Variants in GADL1 observed in about 807,000 individuals in gnomAD.
GADL1 encodes acidic amino acid decarboxylase GADL1.
A neutral mutation model predicts 69.5 loss-of-function variants in GADL1; 71 were observed. The ratio of observed to expected loss-of-function variants is 1.02; its 90% CI spans 0.84 to 1.25. The LOEUF is 1.25. GADL1 is among the 50% of genes most tolerant of loss of function. The pLI, the probability that GADL1 is intolerant of heterozygous loss-of-function variation, is 0.00. For missense variants in GADL1, 737 were observed against 631.8 expected (o/e 1.17, Z -1.79); for synonymous variants, 254 against 214.4 (o/e 1.18, Z -1.62).
At chr3:30,854,114 C>G (rs941693851) in intron 4 of GADL1, among the ~76,000 whole-genome samples, 1 of 152,138 alleles carries the variant, frequency 6.6e-6, no homozygotes, top group Non-Finnish European at 1.5e-5. Context: ...GCCACAGGGC[C>G]TTTATACATG....
chr3:30,800,937 C>G lies in GADL1; in HGVS notation c.1202G>C (p.Gly401Ala), dbSNP rs1323672442. 1 of 1,613,280 alleles carries G rather than the reference C, an allele frequency of 6.2e-7. No homozygotes were observed. Among genetic ancestry groups the G allele is most frequent in the Non-Finnish European group, 8.5e-7 (1 of 1,179,840 alleles). Residue 401 changes from glycine to alanine, a missense_variant, in exon 12 of 15, where the codon GGT (glycine) becomes GCT (alanine). By Grantham distance (60) the Gly-to-Ala change is moderately conservative. Transcript: ENST00000282538. The part of the protein sequence containing the change: ...FKFWMTWKAL[G>A]TLGLEERVNR... ...AACTCTTTCTTCAAGGCCTAATGTA[C>G]CCAGGGCCTTCCAGGTCATCCAGAA... is the stretch of plus-strand genomic sequence containing the variant.
At position 30,894,622 on chromosome 3, in the gene GADL1, C is replaced by T; in HGVS notation, c.-8G>A. The stretch of plus-strand genomic sequence containing the variant: ...GTCCGAGTCGCTGCTCATCTCCGCT[C>T]CCCCACTCCAGGCTGCCCCGGGCGC... On this transcript the variant is annotated 5_prime_UTR_variant, in exon 1 of 15. Transcript: ENST00000282538. 6.4e-7 allele frequency: 1 copy of T among 1,550,560 alleles called. No individual in the cohort carries two copies. Among genetic ancestry groups the T allele is most frequent in the African/African-American group, 1.4e-5 (1 of 73,136 alleles).
At chr3:30,818,781 G>A (rs1697519477) in intron 11 of GADL1, among the ~76,000 whole-genome samples, 1 of 152,022 alleles carries the variant, frequency 6.6e-6, no homozygotes, top group East Asian at 1.9e-4. Flanking sequence ...AAATTTCCTT[G>A]TCCAATTTGG....
chr3:30,771,014 TACAA>T, intron 14 of GADL1, among the ~76,000 whole-genome samples: 1 of 152,298 alleles, frequency 6.6e-6, no homozygotes, highest in African/African-American at 2.4e-5. Context: ...TGCTATTAAA[TACAA>T]AGGAAAACTC....
chr3:30,811,436 T>G (rs115802394), intron 11 of GADL1, among the ~76,000 whole-genome samples: 2,202 of 152,246 alleles, frequency 0.014, 65 homozygotes, highest in African/African-American at 0.05. Flanking sequence ...GTACAATCGG[T>G]CTTCTCTCTT....
intron 14 of GADL1, among the ~76,000 whole-genome samples, chr3:30,757,892 C>T (rs148357795): frequency 4.6e-5 from 7 of 152,294 alleles, no homozygotes; most frequent in Admixed American, 1.3e-4. Context: ...AATATCTGAG[C>T]TTAAGATGGG....
intron 14 of GADL1, among the ~76,000 whole-genome samples, chr3:30,753,554 T>G (rs1054323318): frequency 3.9e-5 from 6 of 152,190 alleles, no homozygotes; most frequent in African/African-American, 1.4e-4. Context: ...CTTGCTATTC[T>G]GTCATTGAGC....
intron 14 of GADL1, among the ~76,000 whole-genome samples, chr3:30,736,743 C>T (rs772012027): frequency 2.0e-5 from 3 of 152,074 alleles, no homozygotes; most frequent in Non-Finnish European, 2.9e-5. Context: ...TTTTTTCAAA[C>T]GTTGATAAAG....
chr3:30,835,999 G>A (rs921933509), intron 9 of GADL1, among the ~76,000 whole-genome samples: 1 of 151,908 alleles, frequency 6.6e-6, no homozygotes, highest in South Asian at 2.1e-4. Flanking sequence ...TTGAGAACTT[G>A]GTCCTTGCAA....
chr3:30,893,216 C>T (rs746655512), intron 1 of GADL1, among the ~76,000 whole-genome samples: 5 of 152,136 alleles, frequency 3.3e-5, no homozygotes, highest in African/African-American at 4.8e-5. Flanking sequence ...TGACAAAATG[C>T]CTTAGCAGTT....
intron 3 of GADL1, among the ~76,000 whole-genome samples, chr3:30,855,594 G>C (rs942335955): frequency 6.6e-6 from 1 of 151,920 alleles, no homozygotes; most frequent in East Asian, 2.0e-4. Flanking sequence ...ACAATGGCTT[G>C]TTCCAATTTT....
chr3:30,760,873 T>C (rs775385491), intron 14 of GADL1, among the ~76,000 whole-genome samples: 40 of 152,118 alleles, frequency 2.6e-4, no homozygotes, highest in African/African-American at 6.5e-4. Flanking sequence ...CAAGCAGTCA[T>C]TTGGTAGAAA....
intron 13 of GADL1, among the ~76,000 whole-genome samples, chr3:30,783,212 G>GA (rs1696707190): frequency 6.6e-6 from 1 of 151,794 alleles, no homozygotes; most frequent in African/African-American, 2.4e-5. Flanking sequence ...TAGACCTTGA[G>GA]AAAAGAAAAA....
chr3:30,822,857 C>T (rs1366511068), intron 11 of GADL1, among the ~76,000 whole-genome samples: 1 of 151,962 alleles, frequency 6.6e-6, no homozygotes, highest in Non-Finnish European at 1.5e-5. Flanking sequence ...ATGTTACTAA[C>T]CTTTGACTTA....
At chr3:30,785,721 G>T (rs551040575) in intron 13 of GADL1, among the ~76,000 whole-genome samples, 2 of 152,004 alleles carry the variant, frequency 1.3e-5, no homozygotes, top group African/African-American at 4.8e-5. Flanking sequence ...GGAATCTCTA[G>T]GTTATTTTTA....
chr3:30,759,337 A>G (rs1696064443), intron 14 of GADL1, among the ~76,000 whole-genome samples: 1 of 152,224 alleles, frequency 6.6e-6, no homozygotes, highest in South Asian at 2.1e-4. Flanking sequence ...AACAATAGCT[A>G]AGAGGAGCTC....
chr3:30,873,434 C>A (rs1391584409), intron 1 of GADL1, among the ~76,000 whole-genome samples: 1 of 151,904 alleles, frequency 6.6e-6, no homozygotes, highest in Non-Finnish European at 1.5e-5. Flanking sequence ...GAATTCAAAG[C>A]CAGGCAGCCT....
chr3:30,821,721 T>C (rs1697584411), intron 11 of GADL1, among the ~76,000 whole-genome samples: 1 of 151,284 alleles, frequency 6.6e-6, no homozygotes, highest in Non-Finnish European at 1.5e-5. Flanking sequence ...GAAGAATAAA[T>C]AGATGATAAT....
intron 8 of GADL1, among the ~76,000 whole-genome samples, chr3:30,843,941 T>A (rs1575230939): frequency 6.6e-6 from 1 of 152,058 alleles, no homozygotes; most frequent in Non-Finnish European, 1.5e-5. Flanking sequence ...TGAATACGGG[T>A]GATTTCAGTG....
Sources: gnomAD v4.1 joint callset for allele counts (sites outside exome capture counted in the v4.1 genomes callset) on GRCh38, gnomAD v4.1.1 for gene constraint, MANE v1.5 for transcripts, NCBI Gene and HGNC (gene_info 2026-07-23, HGNC 2026-07-21) for gene names.